C8orf76: variants seen among roughly 807,000 people sequenced by gnomAD.
The protein encoded by C8orf76 is chromosome 8 open reading frame 76.
Under a neutral mutation model 38.1 loss-of-function variants are expected in C8orf76, and 46 were observed. That is an observed-to-expected ratio of 1.21 (90% confidence interval 0.95 to 1.54). The LOEUF (loss-of-function observed/expected upper bound fraction) is 1.54. Among genes scored for constraint, C8orf76 ranks in the 40% most tolerant of loss-of-function variants. The probability of loss-of-function intolerance (pLI) is 0.00; values close to 1 mark genes in which losing one functional copy is unlikely to be tolerated. For synonymous variants in C8orf76, 166 were observed against 167.5 expected (o/e 0.99, Z 0.07); for missense variants, 461 against 441.6 (o/e 1.04, Z -0.39).
chr8:123,238,398 CT>C lies in C8orf76; in HGVS notation c.214-458del, dbSNP rs1158881139. ...ATGTAGAACTGTGAGTCCATTAAAC[CT>C]TTTTTTTTTTAAATAAATTATCTAG... On this transcript the variant is annotated intron_variant, in intron 2 of 5. Transcript: ENST00000276704. Among the ~76,000 whole-genome samples, 261 of 147,380 alleles carry C rather than the reference CT, an allele frequency of 1.8e-3. 4 individuals are homozygous for C. Among genetic ancestry groups the C allele is most frequent in the Middle Eastern group, 3.4e-3 (1 of 292 alleles).
At chr8:123,229,787 C>G (rs1021328582) in intron 4 of C8orf76, among the ~76,000 whole-genome samples, 50 of 152,220 alleles carry the variant, frequency 3.3e-4, no homozygotes, top group African/African-American at 1.1e-3. Context: ...GAAGCCGAGG[C>G]GGGTGGATCA....
At chr8:123,238,239 GTAGT>G (rs1825565997) in intron 2 of C8orf76, among the ~76,000 whole-genome samples, 2 of 152,192 alleles carry the variant, frequency 1.3e-5, no homozygotes, top group African/African-American at 2.4e-5. Flanking sequence ...TATTCTCATG[GTAGT>G]TAGTCTCAGG....
rs1182290989 is a variant in C8orf76 at position 123,232,874 on chromosome 8, C to T, written c.358-1117G>A. On this transcript the variant is annotated intron_variant, in intron 3 of 5. Coordinates refer to ENST00000276704, the MANE Select transcript of C8orf76 (RefSeq NM_032847.3). ...CCTAGTACAGAGCACAGCTCCTCGG[C>T]CATCACAGATGTTAAATCACGTTTG... is the stretch of plus-strand genomic sequence containing the variant. Among the ~76,000 whole-genome samples, 18 of 152,118 alleles carry T rather than the reference C, an allele frequency of 1.2e-4. 1 individual carries two copies. The highest frequency in any genetic ancestry group is 1.2e-3 in the Admixed American group (18 of 15,268).
intron 3 of C8orf76, among the ~76,000 whole-genome samples, chr8:123,232,835 G>C (rs995151724): frequency 1.3e-5 from 2 of 152,126 alleles, no homozygotes; most frequent in Non-Finnish European, 2.9e-5. Flanking sequence ...AAGAGCTTTT[G>C]TTCAATGTAA....
intron 4 of C8orf76, among the ~76,000 whole-genome samples, chr8:123,230,076 T>C (rs1825195654): frequency 1.3e-5 from 2 of 152,150 alleles, no homozygotes. Flanking sequence ...TCAGTAAGCC[T>C]CACTGTTAAT....
intron 3 of C8orf76, among the ~76,000 whole-genome samples, chr8:123,234,884 C>T (rs1397144325): frequency 1.3e-5 from 2 of 152,262 alleles, no homozygotes; most frequent in Admixed American, 6.5e-5. Context: ...ATTGCTTGAA[C>T]CTGGGAGGAG....
chr8:123,226,330 G>A (rs1293136195), intron 5 of C8orf76, 170 bp downstream of exon 5: 4 of 1,459,128 alleles, frequency 2.7e-6, no homozygotes, highest in Non-Finnish European at 3.6e-6. Flanking sequence ...GCAGGGGAAT[G>A]CCGATCAAGA....
intron 4 of C8orf76, 138 bp from the exon 5 acceptor site, chr8:123,226,770 C>A: frequency 7.8e-7 from 1 of 1,289,444 alleles, no homozygotes; most frequent in Non-Finnish European, 1.0e-6. Context: ...AGGTACCCAC[C>A]CTCACTAGAA....
chr8:123,233,663 C>G (rs949421965), intron 3 of C8orf76, among the ~76,000 whole-genome samples: 1 of 150,730 alleles, frequency 6.6e-6, no homozygotes, highest in South Asian at 2.2e-4. Flanking sequence ...GCTGGGAATA[C>G]AGGCATGAGC....
intron 4 of C8orf76, among the ~76,000 whole-genome samples, chr8:123,227,735 G>A (rs1421221698): frequency 6.6e-6 from 1 of 151,762 alleles, no homozygotes; most frequent in Non-Finnish European, 1.5e-5. Context: ...AAATGAGGTG[G>A]GAAAAAAAAG....
chr8:123,228,123 G>C (rs143909882), intron 4 of C8orf76, among the ~76,000 whole-genome samples: 48 of 152,110 alleles, frequency 3.2e-4, no homozygotes, highest in Non-Finnish European at 5.7e-4. Flanking sequence ...AGACTCTTCC[G>C]GTCTCCTCAC....
rs752840233 is a variant in C8orf76 at position 123,241,333 on chromosome 8, C to G, written c.14G>C (p.Cys5Ser). The change falls in exon 1 of 6, where the codon TGC becomes TCC. Residue 5 changes from cysteine to serine, a missense_variant. Coordinates refer to ENST00000276704, the MANE Select transcript of C8orf76 (RefSeq NM_032847.3). MDSG[C>S]WLFGGEFEDS... The stretch of plus-strand genomic sequence containing the variant: ...CTCGAACTCGCCGCCGAACAACCAG[C>G]ACCCGGAATCCATCTCGCGCCCGCG... 6 of 1,565,048 alleles carry G rather than the reference C, an allele frequency of 3.8e-6. No individual in the cohort carries two copies. In the East Asian group the frequency reaches 1.0e-4, roughly 26 times the overall value.
intron 3 of C8orf76, chr8:123,236,740 C>T (rs928924689): frequency 1.6e-5 from 7 of 436,948 alleles, no homozygotes; most frequent in African/African-American, 1.0e-4. Context: ...GCCGGGATCA[C>T]TCCACTGCAC....
chr8:123,231,332 C>T lies in C8orf76; in HGVS notation c.783G>A (p.Gln261=). The stretch of plus-strand genomic sequence containing the variant: ...GTATAAAAGAGGCACATGCTTTCAG[C>T]TGAGTCTCTATCAACACTGTTTCTC... ...EKRETVLIET[Q]LKACASFIRT... Residue 261 remains glutamine (Q), a synonymous_variant, in exon 4 of 6, where the codon CAG becomes CAA. Coordinates refer to ENST00000276704, the MANE Select transcript of C8orf76 (RefSeq NM_032847.3). The T allele has an allele frequency of 6.2e-7, 1 of 1,612,534 alleles. No individual in the cohort carries two copies. Among genetic ancestry groups the T allele is most frequent in the Non-Finnish European group, 8.5e-7 (1 of 1,179,552 alleles).
At chr8:123,226,385 G>C in intron 5 of C8orf76, 115 bp downstream of exon 5, 1 of 1,516,056 alleles carries the variant, frequency 6.6e-7, no homozygotes, top group East Asian at 2.5e-5. Context: ...ACACAGAGGA[G>C]GGAGACAAGT....
intron 2 of C8orf76, 68 bp downstream of exon 2, chr8:123,238,981 C>T: frequency 6.7e-7 from 1 of 1,490,906 alleles, no homozygotes; most frequent in South Asian, 1.1e-5. Flanking sequence ...ACTTGGTACA[C>T]TGTTATTTAC....
intron 3 of C8orf76, among the ~76,000 whole-genome samples, chr8:123,233,986 C>T (rs940204172): frequency 1.3e-5 from 2 of 151,372 alleles, no homozygotes; most frequent in Admixed American, 6.6e-5. Context: ...CAAGATCATG[C>T]CACTGCACTC....
In C8orf76 at chr8:123,227,088, G is replaced by A. The variant is rs532055285; in HGVS notation, c.816-456C>T. Among the ~76,000 whole-genome samples, 5 of 152,100 alleles carry A rather than the reference G, an allele frequency of 3.3e-5. No individual in the cohort carries two copies. The South Asian group carries it at 6.2e-4, about 19-fold the overall frequency. On this transcript the variant is annotated intron_variant, in intron 4 of 5. Transcript: ENST00000276704. ...TCGCTGACCCCACAGCAACTTGACC[G>A]CAAGGACTAATTAGATTCGCTAGCA...
intron 5 of C8orf76, among the ~76,000 whole-genome samples, chr8:123,221,468 C>A (rs1307326351): frequency 6.6e-6 from 1 of 152,182 alleles, no homozygotes. Flanking sequence ...CAGAGTCTCG[C>A]TCTGTAGCCC....
Sources: allele counts gnomAD v4.1 joint callset (sites outside exome capture counted in the v4.1 genomes callset), GRCh38; gene constraint gnomAD v4.1.1; transcripts MANE v1.5; gene names NCBI Gene and HGNC (gene_info 2026-07-23, HGNC 2026-07-21).